Variants in STK3 observed in about 807,000 individuals in gnomAD.
STK3 encodes the protein serine/threonine-protein kinase 3.
A neutral mutation model predicts 58.0 loss-of-function variants in STK3; 41 were observed. The ratio of observed to expected loss-of-function variants is 0.71; its 90% CI spans 0.55 to 0.92. The LOEUF (loss-of-function observed/expected upper bound fraction) is 0.92, where lower values mean the gene tolerates loss of function less well. STK3 is among the 40% of genes least tolerant of loss of function. STK3 has a pLI of 0.00. For missense variants in STK3, 479 were observed against 602.7 expected (o/e 0.79, Z 2.15); for synonymous variants, 170 against 191.0 (o/e 0.89, Z 0.91).
At chr8:98,569,913 A>ATGTG (rs534903718) in intron 8 of STK3, among the ~76,000 whole-genome samples, 44 of 147,374 alleles carry the variant, frequency 3.0e-4, no homozygotes, top group African/African-American at 1.0e-3. Flanking sequence ...AAAAAAAAAT[A>ATGTG]TGTGTGTGTG....
intron 1 of STK3, among the ~76,000 whole-genome samples, chr8:98,379,556 C>A (rs1215881511): frequency 6.6e-6 from 1 of 152,176 alleles, no homozygotes; most frequent in Non-Finnish European, 1.5e-5. Context: ...TGGAATCCTC[C>A]CCAACCCCAC....
At chr8:98,611,315 C>G (rs1431778093) in intron 6 of STK3, among the ~76,000 whole-genome samples, 2 of 151,436 alleles carry the variant, frequency 1.3e-5, no homozygotes, top group African/African-American at 2.4e-5. Flanking sequence ...AAAAAAGAAA[C>G]AACTGAAAAT....
At chr8:98,441,440 C>A (rs1253599117) in intron 1 of STK3, among the ~76,000 whole-genome samples, 1 of 152,146 alleles carries the variant, frequency 6.6e-6, no homozygotes, top group African/African-American at 2.4e-5. Flanking sequence ...TGATCAGTTA[C>A]TGAGGTGGGC....
At chr8:98,597,784 CA>C (rs1232969925) in intron 6 of STK3, 1 of 983,588 alleles carries the variant, frequency 1.0e-6, no homozygotes, top group Non-Finnish European at 1.2e-6. Flanking sequence ...AAATAGGATA[CA>C]TATCTCAGAC....
At chr8:98,504,693 T>G (rs892667707) in intron 10 of STK3, among the ~76,000 whole-genome samples, 2 of 152,220 alleles carry the variant, frequency 1.3e-5, no homozygotes, top group African/African-American at 2.4e-5. Flanking sequence ...AAAATTCATT[T>G]CTTTAAGAAT....
the STK3 span, among the ~76,000 whole-genome samples, chr8:98,361,227 T>A: frequency 6.6e-6 from 1 of 151,938 alleles, no homozygotes; most frequent in Non-Finnish European, 1.5e-5. Context: ...ATGCTGGGAG[T>A]TTAAGGCCCA....
intron 1 of STK3, among the ~76,000 whole-genome samples, chr8:98,920,576 G>C (rs1839520858): frequency 6.6e-6 from 1 of 152,212 alleles, no homozygotes; most frequent in Admixed American, 6.5e-5. Context: ...CCGTTGTTTG[G>C]ACCTGGCGGA....
intron 3 of STK3, among the ~76,000 whole-genome samples, chr8:98,402,981 C>T (rs1352963182): frequency 3.9e-5 from 6 of 152,158 alleles, no homozygotes; most frequent in Non-Finnish European, 8.8e-5. Flanking sequence ...AGGGCCTGAC[C>T]TTTCCTTTGT....
At chr8:98,523,954 A>G (rs538242684) in intron 10 of STK3, among the ~76,000 whole-genome samples, 7 of 152,212 alleles carry the variant, frequency 4.6e-5, no homozygotes, top group South Asian at 4.1e-4. Context: ...AGTTTTTCTC[A>G]TATGTATTTC....
intron 6 of STK3, among the ~76,000 whole-genome samples, chr8:98,676,255 G>A (rs1183253660): frequency 6.6e-6 from 1 of 152,212 alleles, no homozygotes; most frequent in African/African-American, 2.4e-5. Context: ...GTTTCAGTTT[G>A]GGATGATGAA....
chr8:98,577,533 G>A (rs1277241770), intron 8 of STK3, among the ~76,000 whole-genome samples: 1 of 151,998 alleles, frequency 6.6e-6, no homozygotes, highest in Non-Finnish European at 1.5e-5. Context: ...TGGCAGAAGT[G>A]ACAGTATTTA....
chr8:98,612,553 C>T (rs1267307827), intron 6 of STK3, among the ~76,000 whole-genome samples: 2 of 151,492 alleles, frequency 1.3e-5, no homozygotes, highest in Non-Finnish European at 2.9e-5. Context: ...AGGAACATAA[C>T]TGATGACTTC....
At chr8:98,480,900 C>A (rs1233551459) in intron 10 of STK3, among the ~76,000 whole-genome samples, 1 of 152,094 alleles carries the variant, frequency 6.6e-6, no homozygotes, top group African/African-American at 2.4e-5. Context: ...GCAAAATGTT[C>A]AAAATTGTTG....
chr8:98,739,285 G>A (rs1259980065), intron 4 of STK3, among the ~76,000 whole-genome samples: 1 of 152,234 alleles, frequency 6.6e-6, no homozygotes, highest in African/African-American at 2.4e-5. Flanking sequence ...CGGGCAGACT[G>A]CCTCCTCAAG....
chr8:98,731,630 G>A (rs938246490), intron 4 of STK3, among the ~76,000 whole-genome samples: 20 of 151,588 alleles, frequency 1.3e-4, no homozygotes, highest in Admixed American at 7.2e-4. Context: ...GGCTGAGGCA[G>A]GAGAATGGTG....
chr8:98,744,587 TG>T (rs1333661884), intron 4 of STK3, among the ~76,000 whole-genome samples: 1 of 60,250 alleles, frequency 1.7e-5, no homozygotes, highest in Non-Finnish European at 2.9e-5. Context: ...TGTTGTGGGG[TG>T]GGGGGTGGGG....
chr8:98,580,013 C>G (rs1202182552), intron 7 of STK3, among the ~76,000 whole-genome samples: 1 of 151,664 alleles, frequency 6.6e-6, no homozygotes, highest in Non-Finnish European at 1.5e-5. Flanking sequence ...AGCACACATG[C>G]AAAAATGCAA....
chr8:98,868,460 G>T (rs1053152891), intron 3 of STK3, among the ~76,000 whole-genome samples: 1 of 152,160 alleles, frequency 6.6e-6, no homozygotes, highest in Non-Finnish European at 1.5e-5. Flanking sequence ...CCCCAGCCCC[G>T]CTGGAGCCAC....
rs192778833 is a variant in STK3 at position 98,667,312 on chromosome 8, C to G, written c.684+39155G>C. Among the ~76,000 whole-genome samples, 59 of 152,116 alleles carry G rather than the reference C, an allele frequency of 3.9e-4. No homozygotes were observed. The East Asian group carries it at 0.01, about 27-fold the overall frequency. ...AGAATGATTTCATTCTTTTCAAAAA[C>G]CAGGGTGGTCTATGGGCAATTTTGG... is the stretch of plus-strand genomic sequence containing the variant. On this transcript the variant is annotated intron_variant, in intron 6 of 10. Transcript: ENST00000419617.
Sources: allele counts gnomAD v4.1 joint callset (sites outside exome capture counted in the v4.1 genomes callset), GRCh38; gene constraint gnomAD v4.1.1; transcripts MANE v1.5; gene names NCBI Gene and HGNC (gene_info 2026-07-23, HGNC 2026-07-21).